The following FCRL4 variants were observed in gnomAD, a reference collection of about 807,000 sequenced individuals.
FCRL4 encodes the protein Fc receptor like 4, also known as Fc receptor-like protein 4.
A neutral mutation model predicts 64.1 loss-of-function variants in FCRL4; 43 were observed. The ratio of observed to expected loss-of-function variants is 0.67; its 90% CI spans 0.53 to 0.87. The LOEUF (loss-of-function observed/expected upper bound fraction) is 0.87, where lower values mean the gene tolerates loss of function less well. Among genes scored for constraint, FCRL4 ranks in the 40% least tolerant of loss-of-function variants. The probability of loss-of-function intolerance (pLI) is 0.00; values close to 1 mark genes in which losing one functional copy is unlikely to be tolerated. For missense variants in FCRL4, 656 were observed against 613.5 expected (o/e 1.07, Z -0.73); for synonymous variants, 253 against 239.8 (o/e 1.05, Z -0.51).
intron 5 of FCRL4, among the ~76,000 whole-genome samples, chr1:157,586,747 T>C (rs183679004): frequency 6.6e-6 from 1 of 152,290 alleles, no homozygotes; most frequent in African/African-American, 2.4e-5. Flanking sequence ...GAGGGGCAGG[T>C]AATAGCAATA....
At position 157,575,684 on chromosome 1, in the gene FCRL4, G is replaced by A; in HGVS notation, c.1461+15C>T. The A allele has an allele frequency of 6.2e-7, 1 of 1,613,622 alleles. No homozygotes were observed. The highest frequency in any genetic ancestry group is 8.5e-7 in the Non-Finnish European group (1 of 1,179,590). On this transcript the variant is annotated intron_variant, in intron 11 of 11. Transcript: ENST00000271532. ...GGTAATGGTGGAGATAAAACTGTGG[G>A]GAAATGAAACTCACCTTATCCTCTA...
chr1:157,576,513 G>T (rs1362778199), intron 10 of FCRL4, among the ~76,000 whole-genome samples: 1 of 152,136 alleles, frequency 6.6e-6, no homozygotes, highest in Non-Finnish European at 1.5e-5. Context: ...AAACCTTAAG[G>T]AACAGGTGAA....
chr1:157,586,130 G>T (rs769861791), intron 6 of FCRL4, 38 bp downstream of exon 6: 2 of 1,550,740 alleles, frequency 1.3e-6, no homozygotes, highest in Non-Finnish European at 1.7e-6. Flanking sequence ...GAGGAAGTTT[G>T]CTGAGAATAA....
rs1190349398 is a variant in FCRL4 at position 157,574,842 on chromosome 1, G to A, written c.*682C>T. The A allele has an allele frequency of 4.8e-6, 1 of 209,328 alleles. No homozygotes were observed. The highest frequency in any genetic ancestry group is 2.3e-5 in the African/African-American group (1 of 43,990). 13.0% of individuals were successfully genotyped at this position (209,328 alleles called of 1,614,324 possible). A position where few individuals can be genotyped will look rare whatever the true frequency, so the allele number is the denominator to read the frequency against. ...TATATTTGTGTCTCTTTTCTCTAAT[G>A]TTGCAAATCTTTGTCACTAATGACA... On this transcript the variant is annotated 3_prime_UTR_variant, in exon 12 of 12. Transcript: ENST00000271532.
At chr1:157,591,147 C>T (rs1652831777) in intron 2 of FCRL4, among the ~76,000 whole-genome samples, 1 of 152,016 alleles carries the variant, frequency 6.6e-6, no homozygotes, top group Non-Finnish European at 1.5e-5. Flanking sequence ...GATGAATGCG[C>T]CTGAAGGATA....
intron 2 of FCRL4, among the ~76,000 whole-genome samples, chr1:157,594,069 C>A (rs11264769): frequency 0.049 from 7,419 of 152,226 alleles, 230 homozygotes; most frequent in African/African-American, 0.089. Flanking sequence ...GTCATAAAAT[C>A]ACTAAAGAGT....
At chr1:157,587,676 A>T in intron 4 of FCRL4, 116 bp from the exon 5 acceptor site, 1 of 1,225,518 alleles carries the variant, frequency 8.2e-7, no homozygotes, top group Non-Finnish European at 1.1e-6. Context: ...CAAACTTATC[A>T]AGCCCTCTAT....
At chr1:157,597,841 G>A in intron 1 of FCRL4, 73 bp downstream of exon 1, 1 of 1,196,346 alleles carries the variant, frequency 8.4e-7, no homozygotes, top group Non-Finnish European at 1.2e-6. Flanking sequence ...GATTGCAGCA[G>A]CAGAAAAGAG....
rs145665825 is a variant in FCRL4, at chr1:157,575,821, C to A, written c.1430-91G>T. On this transcript the variant is annotated intron_variant, in intron 10 of 11. Transcript: ENST00000271532. ...CTGATGCCCTAGAGTCTGAGAGCCA[C>A]TGGGCCCTGTCCACCTCATCCCCTC... is the stretch of plus-strand genomic sequence containing the variant. 4,737 of 1,232,924 alleles carry A rather than the reference C, an allele frequency of 3.8e-3. 18 individuals are homozygous for A. Among genetic ancestry groups the A allele is most frequent in the South Asian group, 5.2e-3 (430 of 82,996 alleles). 76.4% of individuals were successfully genotyped at this position (1,232,924 alleles called of 1,614,324 possible).
intron 5 of FCRL4, 108 bp downstream of exon 5, chr1:157,587,168 G>T: frequency 7.8e-7 from 1 of 1,288,418 alleles, no homozygotes; most frequent in South Asian, 1.4e-5. Context: ...CCTAAGCCTG[G>T]TGCCTCTGTC....
In FCRL4 at chr1:157,581,459, C is replaced by T. The variant is rs1251737339; in HGVS notation, c.1249+72G>A. 2.3e-6 allele frequency: 3 copies of T among 1,322,400 alleles called. No individual in the cohort carries two copies. In the East Asian group the frequency reaches 7.0e-5, roughly 31 times the overall value. 81.9% of individuals were successfully genotyped at this position (1,322,400 alleles called of 1,614,324 possible). On this transcript the variant is annotated intron_variant, in intron 7 of 11. Transcript: ENST00000271532. Reference sequence around the variant, plus strand: ...CTTGGGAGTGGTGGCCTGGTGGCCACTAAGGCTGTCTGCATGCTGAGTTCA... The same window carrying T: ...CTTGGGAGTGGTGGCCTGGTGGCCATTAAGGCTGTCTGCATGCTGAGTTCA...
chr1:157,581,807 T>C (rs572468542), intron 6 of FCRL4, among the ~76,000 whole-genome samples, 163 bp from the exon 7 acceptor site: 25 of 152,120 alleles, frequency 1.6e-4, no homozygotes, highest in Non-Finnish European at 2.1e-4. Flanking sequence ...AAAGCTCACA[T>C]TGGGTGGGCC....
chr1:157,594,960 C>T (rs540171294), intron 2 of FCRL4, among the ~76,000 whole-genome samples: 1 of 152,238 alleles, frequency 6.6e-6, no homozygotes, highest in Admixed American at 6.5e-5. Flanking sequence ...CTGCAGTGGC[C>T]TGATCTCAGC....
At chr1:157,588,169 T>G in intron 3 of FCRL4, 50 bp from the exon 4 acceptor site, 1 of 1,538,006 alleles carries the variant, frequency 6.5e-7, no homozygotes, top group Non-Finnish European at 8.7e-7. Flanking sequence ...TCCTGCTATC[T>G]CCTTCTTCTC....
chr1:157,584,805 G>C (rs1365574598), intron 6 of FCRL4, among the ~76,000 whole-genome samples: 1 of 152,192 alleles, frequency 6.6e-6, no homozygotes, highest in Non-Finnish European at 1.5e-5. Flanking sequence ...TTATGGCTTT[G>C]ACCGTCAGAG....
intron 2 of FCRL4, among the ~76,000 whole-genome samples, chr1:157,593,127 C>T (rs935038180): frequency 6.6e-6 from 1 of 152,108 alleles, no homozygotes; most frequent in Non-Finnish European, 1.5e-5. Flanking sequence ...AGGAGAAATA[C>T]CTAATGTAAA....
At position 157,585,336 on chromosome 1, in the gene FCRL4, TTCTC is replaced by T. The variant is rs751051677; in HGVS notation, c.1135+828_1135+831del. 8.9e-4 allele frequency among the ~76,000 whole-genome samples: 116 copies of T among 129,792 alleles called. 3 individuals are homozygous for T. The highest frequency in any genetic ancestry group is 3.6e-3 in the Middle Eastern group (1 of 274). The allele number at this position is 129,792 out of a possible 152,430, so 85.1% of individuals were successfully genotyped here. A position where few individuals can be genotyped will look rare whatever the true frequency, so the allele number is the denominator to read the frequency against. On this transcript the variant is annotated intron_variant, in intron 6 of 11. Transcript: ENST00000271532. The stretch of plus-strand genomic sequence containing the variant: ...TTTCCTTCCTTCCTTCTCTCTTTCT[TTCTC>T]TCTCTCTTTCTTTCTTTCTTTCTTT...
At chr1:157,586,848 C>T (rs1481704864) in intron 5 of FCRL4, among the ~76,000 whole-genome samples, 1 of 152,196 alleles carries the variant, frequency 6.6e-6, no homozygotes, top group Non-Finnish European at 1.5e-5. Context: ...ATCTATCTAT[C>T]TATCTCTCCT....
intron 6 of FCRL4, among the ~76,000 whole-genome samples, chr1:157,583,724 G>A (rs912928025): frequency 6.6e-6 from 1 of 152,196 alleles, no homozygotes; most frequent in African/African-American, 2.4e-5. Flanking sequence ...CCAGTCCCTG[G>A]TGTTTGGTTA....
Sources: gnomAD v4.1 joint callset for allele counts (sites outside exome capture counted in the v4.1 genomes callset) on GRCh38, gnomAD v4.1.1 for gene constraint, MANE v1.5 for transcripts, NCBI Gene and HGNC (gene_info 2026-07-23, HGNC 2026-07-21) for gene names.